Variants in RPSA2 observed in about 807,000 individuals in gnomAD.
The protein encoded by RPSA2 is small ribosomal subunit protein uS2B.
the RPSA2 span, among the ~76,000 whole-genome samples, chr19:23,789,772 C>A: frequency 6.6e-6 from 1 of 150,978 alleles, no homozygotes; most frequent in Non-Finnish European, 1.5e-5. Context: ...TGCAGTGGCA[C>A]ACTCTCGGCT....
the RPSA2 span, among the ~76,000 whole-genome samples, chr19:23,806,045 TTC>T: frequency 9.4e-3 from 484 of 51,480 alleles, 3 homozygotes; most frequent in African/African-American, 0.024. Flanking sequence ...CCTTCTTTCT[TTC>T]TTTTTTTTTT....
chr19:23,815,269 G>A, the RPSA2 span, among the ~76,000 whole-genome samples: 1 of 152,158 alleles, frequency 6.6e-6, no homozygotes, highest in East Asian at 1.9e-4. Flanking sequence ...AACCTAGTTG[G>A]TCTGTAACAT....
the RPSA2 span, chr19:23,819,450 A>G: frequency 6.6e-6 from 1 of 152,228 alleles, no homozygotes; most frequent in Non-Finnish European, 1.5e-5. Flanking sequence ...CTGCAACTTT[A>G]GCAGCAGTGA....
chr19:23,844,282 A>C, the RPSA2 span, among the ~76,000 whole-genome samples: 1 of 152,022 alleles, frequency 6.6e-6, no homozygotes, highest in African/African-American at 2.4e-5. Context: ...TGAATTTTCT[A>C]TATATTTTGA....
At chr19:23,786,652 A>C in the RPSA2 span, among the ~76,000 whole-genome samples, 4 of 152,098 alleles carry the variant, frequency 2.6e-5, no homozygotes, top group African/African-American at 9.7e-5. Flanking sequence ...CTTGTGACAT[A>C]ACTCAATGTC....
chr19:23,852,345 GAC>G, the RPSA2 span, among the ~76,000 whole-genome samples: 142 of 151,638 alleles, frequency 9.4e-4, no homozygotes, highest in East Asian at 4.3e-3. Flanking sequence ...AGGAATTAAA[GAC>G]ACACACACAC....
At chr19:23,827,779 T>A in the RPSA2 span, 1 of 1,587,148 alleles carries the variant, frequency 6.3e-7, no homozygotes, top group South Asian at 1.1e-5. Context: ...TCTACAGAGA[T>A]CCTGAAGAGA....
chr19:23,768,376 C>T, the RPSA2 span, among the ~76,000 whole-genome samples: 147,696 of 151,000 alleles, frequency 0.98, 72,325 homozygotes, highest in Middle Eastern at 1. Flanking sequence ...ATCAGCTCCT[C>T]TTTTTTTCAA....
At chr19:23,793,947 A>G in the RPSA2 span, among the ~76,000 whole-genome samples, 1 of 151,486 alleles carries the variant, frequency 6.6e-6, no homozygotes, top group Non-Finnish European at 1.5e-5. Context: ...TTCTTTTCGT[A>G]TTTTTTTAGA....
chr19:23,811,388 A>G, the RPSA2 span, among the ~76,000 whole-genome samples: 1 of 152,126 alleles, frequency 6.6e-6, no homozygotes, highest in Admixed American at 6.5e-5. Flanking sequence ...ACTGTAAGCA[A>G]TTCTTTAATG....
the RPSA2 span, among the ~76,000 whole-genome samples, chr19:23,796,815 T>C: frequency 6.6e-6 from 1 of 151,542 alleles, no homozygotes; most frequent in Non-Finnish European, 1.5e-5. Context: ...TTGTGTTTAT[T>C]TGGATCATCC....
the RPSA2 span, among the ~76,000 whole-genome samples, chr19:23,802,272 G>C: frequency 1.3e-5 from 2 of 152,188 alleles, no homozygotes; most frequent in Non-Finnish European, 2.9e-5. Flanking sequence ...CCACAAAGTA[G>C]CCAGAGCCCT....
chr19:23,829,417 T>C, the RPSA2 span, among the ~76,000 whole-genome samples: 2 of 152,222 alleles, frequency 1.3e-5, no homozygotes, highest in Non-Finnish European at 2.9e-5. Flanking sequence ...TTTACCTGCC[T>C]CAACCTCCTG....
the RPSA2 span, among the ~76,000 whole-genome samples, chr19:23,806,608 AC>A: frequency 6.6e-6 from 1 of 151,222 alleles, no homozygotes; most frequent in Admixed American, 6.6e-5. Flanking sequence ...CCACGGTGAA[AC>A]CCCATCCCTA....
At chr19:23,865,851 G>T in the RPSA2 span, among the ~76,000 whole-genome samples, 1 of 152,146 alleles carries the variant, frequency 6.6e-6, no homozygotes. Context: ...ATTAAAAACT[G>T]GTGTGGTTAA....
chr19:23,845,273 ATG>A, the RPSA2 span, among the ~76,000 whole-genome samples: 127,404 of 142,978 alleles, frequency 0.89, 56,663 homozygotes, highest in East Asian at 0.99. Context: ...GTTCTGATTT[ATG>A]TTTTTTTTTT....
At chr19:23,867,414 A>T in the RPSA2 span, among the ~76,000 whole-genome samples, 108 of 152,384 alleles carry the variant, frequency 7.1e-4, no homozygotes, top group Admixed American at 3.4e-3. Context: ...GAGACTTACA[A>T]ATGAAAACTT....
chr19:23,833,297 T>C, the RPSA2 span: 3 of 674,010 alleles, frequency 4.5e-6, no homozygotes, highest in South Asian at 1.2e-4. Context: ...TGAAGAGAAA[T>C]ATTACAAGTG....
the RPSA2 span, among the ~76,000 whole-genome samples, chr19:23,824,169 GTTAA>G: frequency 6.6e-6 from 1 of 152,192 alleles, no homozygotes; most frequent in Non-Finnish European, 1.5e-5. Context: ...AACAAAGGCA[GTTAA>G]TTAAACAGTG....
Sources: gnomAD v4.1 joint callset for allele counts (sites outside exome capture counted in the v4.1 genomes callset) on GRCh38, gnomAD v4.1.1 for gene constraint, MANE v1.5 for transcripts, NCBI Gene and HGNC (gene_info 2026-07-23, HGNC 2026-07-21) for gene names.